SBNO1: variants seen among roughly 807,000 people sequenced by gnomAD.
The protein encoded by SBNO1 is protein strawberry notch homolog 1.
In SBNO1, 23 loss-of-function variants were observed where a neutral mutation model predicts 173.6. The ratio of observed to expected loss-of-function variants is 0.13; its 90% CI spans 0.10 to 0.19. SBNO1 has a LOEUF of 0.19. Among genes scored for constraint, SBNO1 ranks in the 10% least tolerant of loss-of-function variants. The pLI is 1.00. For missense variants in SBNO1, 1,238 were observed against 1,671.2 expected (o/e 0.74, Z 4.52); for synonymous variants, 632 against 571.5 (o/e 1.11, Z -1.51).
intron 7 of SBNO1, among the ~76,000 whole-genome samples, chr12:123,333,190 A>AT (rs1871422147): frequency 1.3e-5 from 2 of 152,180 alleles, no homozygotes; most frequent in Admixed American, 1.3e-4. Context: ...TAAAAGTTTT[A>AT]TATCACACAA....
At chr12:123,310,282 G>A (rs1051599386) in intron 25 of SBNO1, among the ~76,000 whole-genome samples, 2 of 152,276 alleles carry the variant, frequency 1.3e-5, no homozygotes, top group Middle Eastern at 3.4e-3. Context: ...TGCCCAGGCT[G>A]GAGTGCAGTC....
chr12:123,334,113 T>A lies in SBNO1; in HGVS notation c.849A>T (p.Glu283Asp), dbSNP rs1422106504. ...DVWYKTSISE[E>D]TIDNGWLSAL... ...CTGATAACCAGCCATTATCAATGGTTTCCTCAGAAATGGATGTTTTGTACC... is the reference window on the plus strand; with the variant it reads ...CTGATAACCAGCCATTATCAATGGTATCCTCAGAAATGGATGTTTTGTACC... Residue 283 changes from glutamate to aspartate, a missense_variant, in exon 7 of 32, where the codon GAA becomes GAT. Coordinates refer to ENST00000602398, the MANE Select transcript of SBNO1 (RefSeq NM_001167856.3). The A allele has an allele frequency of 6.2e-7, 1 of 1,606,396 alleles. No individual in the cohort carries two copies. The highest frequency in any genetic ancestry group is 1.3e-5 in the African/African-American group (1 of 74,796).
At chr12:123,311,281 G>T in intron 24 of SBNO1, 152 bp from the exon 25 acceptor site, 1 of 631,578 alleles carries the variant, frequency 1.6e-6, no homozygotes. Context: ...GGAGAGAACT[G>T]CCCTTGTTCA....
At chr12:123,356,458 T>C (rs931281827) in intron 1 of SBNO1, among the ~76,000 whole-genome samples, 4 of 152,230 alleles carry the variant, frequency 2.6e-5, no homozygotes, top group Non-Finnish European at 5.9e-5. Context: ...TCTTTTGCGA[T>C]GGAGTCTTGT....
At chr12:123,301,426 A>G (rs1428551330) in intron 30 of SBNO1, among the ~76,000 whole-genome samples, 1 of 152,240 alleles carries the variant, frequency 6.6e-6, no homozygotes, top group African/African-American at 2.4e-5. Flanking sequence ...CCTGCAGAAC[A>G]GCCCAAACAA....
intron 19 of SBNO1, 105 bp from the exon 20 acceptor site, chr12:123,320,136 G>T: frequency 7.8e-7 from 1 of 1,274,774 alleles, no homozygotes; most frequent in Non-Finnish European, 1.1e-6. Flanking sequence ...CACAGGCTGT[G>T]CTGCACCACA....
At chr12:123,336,594 T>C (rs567821997) in intron 5 of SBNO1, 103 bp from the exon 6 acceptor site, 49 of 703,046 alleles carry the variant, frequency 7.0e-5, no homozygotes, top group South Asian at 5.1e-4. Flanking sequence ...ATTTCCATCA[T>C]GGAAACATGA....
chr12:123,314,471 A>C (rs1426429099), intron 23 of SBNO1, among the ~76,000 whole-genome samples: 1 of 151,790 alleles, frequency 6.6e-6, no homozygotes, highest in Non-Finnish European at 1.5e-5. Flanking sequence ...CTAGGACTAC[A>C]GGCGCACACC....
chr12:123,299,240 C>A (rs999647484), intron 30 of SBNO1, among the ~76,000 whole-genome samples: 3 of 152,144 alleles, frequency 2.0e-5, no homozygotes, highest in East Asian at 1.9e-4. Context: ...TGGTGGCAGG[C>A]ACCTGTAGTC....
At position 123,332,234 on chromosome 12, in the gene SBNO1, G is replaced by A. The variant is rs189405644; in HGVS notation, c.910-859C>T. Among the ~76,000 whole-genome samples, 133 of 152,258 alleles carry A rather than the reference G, an allele frequency of 8.7e-4. 2 individuals are homozygous for A. The highest frequency in any genetic ancestry group is 2.8e-3 in the Admixed American group (43 of 15,300). On this transcript the variant is annotated intron_variant, in intron 7 of 31. Coordinates refer to ENST00000602398, the MANE Select transcript of SBNO1 (RefSeq NM_001167856.3). Reference sequence around the variant, plus strand: ...AGGTAATGAAAGTTAACAAATTAGTGAGGAGCCCGCCATACCCCTTATCAA... The same window carrying A: ...AGGTAATGAAAGTTAACAAATTAGTAAGGAGCCCGCCATACCCCTTATCAA...
chr12:123,320,300 T>G (rs1869804568), intron 19 of SBNO1, 132 bp downstream of exon 19: 1 of 918,530 alleles, frequency 1.1e-6, no homozygotes, highest in African/African-American at 1.7e-5. Context: ...GGATGTAGGA[T>G]GGCAACTAAA....
intron 2 of SBNO1, among the ~76,000 whole-genome samples, chr12:123,349,938 T>C (rs1447466358): frequency 5.3e-5 from 8 of 151,552 alleles, no homozygotes; most frequent in Non-Finnish European, 1.2e-4. Context: ...TTAACACATG[T>C]ATTTAAAATT....
intron 30 of SBNO1, among the ~76,000 whole-genome samples, chr12:123,299,195 T>C (rs1210566923): frequency 6.6e-6 from 1 of 150,696 alleles, no homozygotes; most frequent in African/African-American, 2.4e-5. Context: ...GGTGAAACCC[T>C]GTCTCTATTA....
At chr12:123,343,425 G>GC (rs1214297222) in intron 4 of SBNO1, among the ~76,000 whole-genome samples, 9 of 151,890 alleles carry the variant, frequency 5.9e-5, no homozygotes, top group South Asian at 2.1e-4. Context: ...AGTAGAACAT[G>GC]CAACACCTTG....
At chr12:123,363,280 G>A (rs1339934350) in intron 1 of SBNO1, among the ~76,000 whole-genome samples, 1 of 152,144 alleles carries the variant, frequency 6.6e-6, no homozygotes, top group Non-Finnish European at 1.5e-5. Flanking sequence ...GTCACCAGTA[G>A]GAAATTCTGC....
At chr12:123,301,004 G>A (rs1301908351) in intron 30 of SBNO1, among the ~76,000 whole-genome samples, 1 of 149,858 alleles carries the variant, frequency 6.7e-6, no homozygotes, top group Non-Finnish European at 1.5e-5. Context: ...AAGTTAGTAG[G>A]TTAACTTTTA....
chr12:123,350,300 A>G lies in SBNO1; in HGVS notation c.132+10T>C. The G allele has an allele frequency of 6.2e-7, 1 of 1,612,186 alleles. No individual in the cohort carries two copies. The highest frequency in any genetic ancestry group is 1.1e-5 in the South Asian group (1 of 90,904). Reference sequence around the variant, plus strand: ...ATCACTAAGAAAGAGAGGCTTTGGAAAACTCTTACCTGCTGAACTGACGGG... The same window carrying G: ...ATCACTAAGAAAGAGAGGCTTTGGAGAACTCTTACCTGCTGAACTGACGGG... On this transcript the variant is annotated intron_variant, in intron 2 of 31. Transcript: ENST00000602398.
At chr12:123,320,132 C>T (rs1593357054) in intron 19 of SBNO1, 101 bp from the exon 20 acceptor site, 14 of 1,304,800 alleles carry the variant, frequency 1.1e-5, no homozygotes, top group Non-Finnish European at 1.5e-5. Flanking sequence ...AGAGCACAGG[C>T]TGTGCTGCAC....
intron 29 of SBNO1, chr12:123,304,358 C>T (rs1160325626): frequency 2.8e-6 from 1 of 356,792 alleles, no homozygotes; most frequent in African/African-American, 2.1e-5. Flanking sequence ...CCTCGGCCTC[C>T]CAAGTGGCTG....
Sources: gnomAD v4.1 joint callset for allele counts (sites outside exome capture counted in the v4.1 genomes callset) on GRCh38, gnomAD v4.1.1 for gene constraint, MANE v1.5 for transcripts, NCBI Gene and HGNC (gene_info 2026-07-23, HGNC 2026-07-21) for gene names.